The following FARS2 variants were observed in gnomAD, a reference collection of about 807,000 sequenced individuals.
FARS2 encodes phenylalanyl-tRNA synthetase 2, mitochondrial, also known as phenylalanine--tRNA ligase, mitochondrial.
FARS2 carries 40 observed loss-of-function variants against 46.4 expected under a neutral mutation model. The ratio of observed to expected loss-of-function variants is 0.86; its 90% CI spans 0.67 to 1.12. The LOEUF (loss-of-function observed/expected upper bound fraction) is 1.12. FARS2 is among the 50% of genes most tolerant of loss of function. The pLI is 0.00. For synonymous variants in FARS2, 234 were observed against 214.9 expected (o/e 1.09, Z -0.78); for missense variants, 513 against 567.9 (o/e 0.90, Z 0.98).
At chr6:5,353,871 A>G (rs1757744432) in intron 1 of FARS2, among the ~76,000 whole-genome samples, 1 of 150,298 alleles carries the variant, frequency 6.7e-6, no homozygotes, top group South Asian at 2.1e-4. Flanking sequence ...CTCAGGTGTG[A>G]TAGTGACTGT....
chr6:5,404,704 A>G lies in FARS2; in HGVS notation c.772+3A>G, dbSNP rs770287901. ...CATGGCACATCTTTTTGGAGATGGT[A>G]AGTGCTCAAACACAGGTTGACGATC... On this transcript the variant is annotated splice_donor_region_variant and intron_variant, in intron 3 of 6. Coordinates refer to ENST00000274680, the MANE Select transcript of FARS2 (RefSeq NM_006567.5). The G allele has an allele frequency of 6.3e-7, 1 of 1,583,684 alleles. No individual in the cohort carries two copies. The highest frequency in any genetic ancestry group is 8.6e-7 in the Non-Finnish European group (1 of 1,163,202).
At chr6:5,370,546 G>A (rs886506212) in intron 2 of FARS2, among the ~76,000 whole-genome samples, 2 of 152,138 alleles carry the variant, frequency 1.3e-5, no homozygotes, top group African/African-American at 4.8e-5. Flanking sequence ...GAGCTGTGAT[G>A]CCAGTAATAT....
intron 6 of FARS2, among the ~76,000 whole-genome samples, chr6:5,698,602 C>T (rs1458509414): frequency 1.3e-5 from 2 of 152,164 alleles, no homozygotes; most frequent in Non-Finnish European, 2.9e-5. Flanking sequence ...TTATTAGGAT[C>T]AAGATCTTCA....
upstream of FARS2, among the ~76,000 whole-genome samples, chr6:5,256,798 A>G (rs1287739268): frequency 6.6e-6 from 1 of 152,150 alleles, no homozygotes; most frequent in Non-Finnish European, 1.5e-5. Flanking sequence ...TCTCTCCACA[A>G]GACCAGCTAG....
chr6:5,694,016 C>T (rs369899962), intron 6 of FARS2, among the ~76,000 whole-genome samples: 3 of 152,156 alleles, frequency 2.0e-5, no homozygotes, highest in African/African-American at 4.8e-5. Context: ...TCATAGCCTG[C>T]GCCTCTCAAA....
chr6:5,634,912 A>G (rs1450926867), intron 6 of FARS2, among the ~76,000 whole-genome samples: 1 of 152,130 alleles, frequency 6.6e-6, no homozygotes, highest in Non-Finnish European at 1.5e-5. Flanking sequence ...GTTGCTATAC[A>G]ATGTAGTTTT....
intron 1 of FARS2, among the ~76,000 whole-genome samples, chr6:5,280,586 A>G (rs896401960): frequency 3.3e-5 from 5 of 152,128 alleles, no homozygotes; most frequent in Admixed American, 6.6e-5. Flanking sequence ...CCATCTGACT[A>G]CCTTGATACT....
intron 5 of FARS2, among the ~76,000 whole-genome samples, chr6:5,545,925 C>G (rs150579764): frequency 6.6e-6 from 1 of 152,030 alleles, no homozygotes; most frequent in Non-Finnish European, 1.5e-5. Flanking sequence ...GTCAAGAGTT[C>G]GAGACCAGCC....
intron 2 of FARS2, among the ~76,000 whole-genome samples, chr6:5,377,716 A>G (rs1224837349): frequency 6.6e-6 from 1 of 152,120 alleles, no homozygotes; most frequent in African/African-American, 2.4e-5. Flanking sequence ...CAATATACCA[A>G]TTTTTATAAA....
intron 5 of FARS2, chr6:5,609,962 C>T (rs1328790919): frequency 7.9e-7 from 1 of 1,271,828 alleles, no homozygotes; most frequent in Non-Finnish European, 1.1e-6. Context: ...ACTCTTCCAT[C>T]CACCTTGTGT....
rs1366735932 is a variant in FARS2 at position 5,343,616 on chromosome 6, T to C, written c.-21-24934T>C. On this transcript the variant is annotated intron_variant, in intron 1 of 6. Coordinates refer to ENST00000274680, the MANE Select transcript of FARS2 (RefSeq NM_006567.5). The surrounding 1 kb of genome is among the most constrained non-coding windows in gnomAD (Gnocchi z 4.5). ...AGAAATTGTACACATTTTTAGTTCT[T>C]TGGAACATGTAAACCCAGTGTTGAA... Among the ~76,000 whole-genome samples the C allele has an allele frequency of 6.6e-6, 1 of 152,214 alleles. No homozygotes were observed. The highest frequency in any genetic ancestry group is 1.5e-5 in the Non-Finnish European group (1 of 68,036).
intron 6 of FARS2, among the ~76,000 whole-genome samples, chr6:5,635,081 C>T (rs958276924): frequency 2.6e-5 from 4 of 152,142 alleles, no homozygotes; most frequent in African/African-American, 9.7e-5. Context: ...AGTTACTCAC[C>T]TCTCTAAGCG....
intron 1 of FARS2, among the ~76,000 whole-genome samples, chr6:5,327,263 C>CA (rs1321821933): frequency 6.6e-6 from 1 of 152,204 alleles, no homozygotes; most frequent in Admixed American, 6.5e-5. Flanking sequence ...CTATTCAATA[C>CA]AAAATCTACA....
intron 6 of FARS2, among the ~76,000 whole-genome samples, chr6:5,680,176 T>C (rs1778961832): frequency 6.6e-6 from 1 of 152,212 alleles, no homozygotes; most frequent in African/African-American, 2.4e-5. Flanking sequence ...AAACAATGCT[T>C]ATGCTCAGAG....
intron 2 of FARS2, among the ~76,000 whole-genome samples, chr6:5,374,411 G>T (rs1483986423): frequency 2.0e-5 from 3 of 152,002 alleles, no homozygotes; most frequent in African/African-American, 7.2e-5. Flanking sequence ...AAAAAAGAGT[G>T]CAGGATAAAT....
At chr6:5,699,070 A>G (rs1758268008) in intron 6 of FARS2, among the ~76,000 whole-genome samples, 1 of 152,210 alleles carries the variant, frequency 6.6e-6, no homozygotes, top group Non-Finnish European at 1.5e-5. Context: ...AAAGTAGACT[A>G]CAGTTCACAG....
intron 2 of FARS2, among the ~76,000 whole-genome samples, chr6:5,403,282 A>G (rs996947302): frequency 1.3e-5 from 2 of 152,080 alleles, no homozygotes; most frequent in African/African-American, 2.4e-5. Flanking sequence ...AGAAAATGTG[A>G]TACCTGACTG....
At chr6:5,534,183 G>A (rs2150465916) in intron 4 of FARS2, among the ~76,000 whole-genome samples, 1 of 152,280 alleles carries the variant, frequency 6.6e-6, no homozygotes, top group South Asian at 2.1e-4. Context: ...ATATATGTAT[G>A]TTGTTTTCCT....
chr6:5,711,933 A>G (rs973130352), intron 6 of FARS2, among the ~76,000 whole-genome samples: 20 of 152,328 alleles, frequency 1.3e-4, no homozygotes, highest in African/African-American at 4.6e-4. Flanking sequence ...TGTGATGTTA[A>G]TATCAGGGGA....
Sources: gnomAD v4.1 joint callset for allele counts (sites outside exome capture counted in the v4.1 genomes callset) on GRCh38, gnomAD v4.1.1 for gene constraint, Gnocchi (gnomAD v3.1) non-coding constraint, MANE v1.5 for transcripts, NCBI Gene and HGNC (gene_info 2026-07-23, HGNC 2026-07-21) for gene names.